The following MAP4K4 variants were observed in gnomAD, a reference collection of about 807,000 sequenced individuals.
MAP4K4 encodes mitogen-activated protein kinase kinase kinase kinase 4.
MAP4K4 carries 38 observed loss-of-function variants against 189.6 expected under a neutral mutation model. The ratio of observed to expected loss-of-function variants is 0.20; its 90% CI spans 0.15 to 0.26. MAP4K4 has a LOEUF of 0.26. Ranked by LOEUF, MAP4K4 falls within the 10% of genes least tolerant of loss-of-function variation. The probability of loss-of-function intolerance (pLI) is 1.00; values close to 1 mark genes in which losing one functional copy is unlikely to be tolerated. For synonymous variants in MAP4K4, 610 were observed against 624.3 expected (o/e 0.98, Z 0.34); for missense variants, 1,054 against 1,726.9 (o/e 0.61, Z 6.91).
chr2:101,797,888 A>ATTTTTTTTTTTTTTT (rs1558971586), intron 3 of MAP4K4, among the ~76,000 whole-genome samples: 5 of 7,618 alleles, frequency 6.6e-4, no homozygotes, highest in East Asian at 6.8e-3. Flanking sequence ...ACATTCTTTT[A>ATTTTTTTTTTTTTTT]GTTTTTTTTT....
intron 2 of MAP4K4, among the ~76,000 whole-genome samples, chr2:101,723,381 A>G (rs937701870): frequency 2.0e-5 from 3 of 152,214 alleles, no homozygotes; most frequent in Non-Finnish European, 4.4e-5. Flanking sequence ...GTTGCTGAAG[A>G]TGTTTAGATG....
chr2:101,704,563 A>ATT (rs1559013874), intron 2 of MAP4K4, among the ~76,000 whole-genome samples: 100 of 47,212 alleles, frequency 2.1e-3, no homozygotes, highest in African/African-American at 5.9e-3. Flanking sequence ...ATATATATAT[A>ATT]TATATTTTTT....
chr2:101,733,006 A>G (rs952477244), intron 2 of MAP4K4, among the ~76,000 whole-genome samples: 2 of 152,172 alleles, frequency 1.3e-5, no homozygotes, highest in African/African-American at 2.4e-5. Flanking sequence ...GCCCTGTGTC[A>G]CTCGGCATCT....
At chr2:101,777,451 C>T (rs73943768) in intron 2 of MAP4K4, among the ~76,000 whole-genome samples, 2,447 of 152,236 alleles carry the variant, frequency 0.016, 76 homozygotes, top group African/African-American at 0.056. Context: ...CCTTCGGTGC[C>T]GGCTCATGGT....
rs533995140 is a variant in MAP4K4 at position 101,715,009 on chromosome 2, T to C, written c.123+16471T>C. ...CCCAAAAGAACAAATGTATGGGAACTCCATACCTGCATTAGTCTGTTAGGG... is the reference window on the plus strand; with the variant it reads ...CCCAAAAGAACAAATGTATGGGAACCCCATACCTGCATTAGTCTGTTAGGG... On this transcript the variant is annotated intron_variant, in intron 2 of 32. Transcript: ENST00000324219. Among the ~76,000 whole-genome samples, 4 of 152,304 alleles carry C rather than the reference T, an allele frequency of 2.6e-5. No individual in the cohort carries two copies. The South Asian group carries it at 8.3e-4, about 32-fold the overall frequency.
chr2:101,841,072 C>T (rs1211582509), intron 10 of MAP4K4, among the ~76,000 whole-genome samples: 2 of 152,176 alleles, frequency 1.3e-5, no homozygotes, highest in Non-Finnish European at 2.9e-5. Flanking sequence ...GTAATAATAG[C>T]TAATGTTCAT....
chr2:101,748,214 A>G (rs2066643800), intron 2 of MAP4K4, among the ~76,000 whole-genome samples: 2 of 152,164 alleles, frequency 1.3e-5, no homozygotes, highest in Admixed American at 1.3e-4. Flanking sequence ...AGAATAGTCT[A>G]AAGTTTACCG....
At chr2:101,804,242 G>GT (rs2094679111) in intron 3 of MAP4K4, among the ~76,000 whole-genome samples, 1 of 152,144 alleles carries the variant, frequency 6.6e-6, no homozygotes, top group Non-Finnish European at 1.5e-5. Context: ...CTTGCAGATC[G>GT]TTTTGCAATT....
chr2:101,744,716 G>A (rs1181695980), intron 2 of MAP4K4, among the ~76,000 whole-genome samples: 1 of 152,062 alleles, frequency 6.6e-6, no homozygotes, highest in Non-Finnish European at 1.5e-5. Flanking sequence ...GACACCAGGG[G>A]TGCAGAAGGC....
intron 2 of MAP4K4, among the ~76,000 whole-genome samples, chr2:101,752,539 G>A (rs932787773): frequency 6.6e-6 from 1 of 152,150 alleles, no homozygotes; most frequent in East Asian, 1.9e-4. Flanking sequence ...CTCACCCTGT[G>A]TACCAGAAGT....
intron 8 of MAP4K4, among the ~76,000 whole-genome samples, chr2:101,835,461 G>T (rs1052295986): frequency 6.6e-6 from 1 of 152,154 alleles, no homozygotes; most frequent in African/African-American, 2.4e-5. Context: ...AGTATTTTTA[G>T]CTATAACAAC....
At chr2:101,841,747 G>A (rs946339215) in intron 10 of MAP4K4, among the ~76,000 whole-genome samples, 9 of 152,036 alleles carry the variant, frequency 5.9e-5, no homozygotes, top group African/African-American at 1.2e-4. Context: ...GATTACAGGC[G>A]GGAGCCACCA....
chr2:101,819,715 A>G (rs902224238), intron 3 of MAP4K4, among the ~76,000 whole-genome samples: 2 of 152,324 alleles, frequency 1.3e-5, no homozygotes, highest in African/African-American at 4.8e-5. Context: ...GTATTTCTGG[A>G]TGATATTTCG....
At chr2:101,802,158 C>A (rs997977161) in intron 3 of MAP4K4, among the ~76,000 whole-genome samples, 2 of 150,812 alleles carry the variant, frequency 1.3e-5, no homozygotes, top group African/African-American at 2.5e-5. Context: ...TCTGTAAGAA[C>A]AAACAGATAC....
At chr2:101,863,542 A>T (rs1350865656) in intron 16 of MAP4K4, among the ~76,000 whole-genome samples, 1 of 152,216 alleles carries the variant, frequency 6.6e-6, no homozygotes, top group African/African-American at 2.4e-5. Context: ...GGGGAAAAAA[A>T]AAATAAAAAT....
Position 101,787,804 on chromosome 2 carries a change from C to CTTT in MAP4K4, c.124-2901_124-2899dup, listed in dbSNP as rs750909990. 3.3e-3 allele frequency among the ~76,000 whole-genome samples: 422 copies of CTTT among 128,806 alleles called. 6 individuals carry two copies. Among genetic ancestry groups the CTTT allele is most frequent in the East Asian group, 8.8e-3 (39 of 4,436 alleles). 84.5% of individuals were successfully genotyped at this position (128,806 alleles called of 152,430 possible). On this transcript the variant is annotated intron_variant, in intron 2 of 32. Transcript: ENST00000324219. Reference sequence around the variant, plus strand: ...TATTAGTTTCAAATTTAGAAGTTTGCTTTTTTTTTTTTTTTTTGAGACAGA... The same window carrying CTTT: ...TATTAGTTTCAAATTTAGAAGTTTGCTTTTTTTTTTTTTTTTTTTTGAGACAGA...
At chr2:101,792,090 T>A (rs1345764816) in intron 3 of MAP4K4, among the ~76,000 whole-genome samples, 1 of 152,210 alleles carries the variant, frequency 6.6e-6, no homozygotes, top group Non-Finnish European at 1.5e-5. Flanking sequence ...CAGTAACTTC[T>A]TGCTTATTAT....
chr2:101,829,783 C>T (rs945637321), intron 6 of MAP4K4, 189 bp downstream of exon 6: 5 of 522,050 alleles, frequency 9.6e-6, no homozygotes, highest in Non-Finnish European at 1.4e-5. Flanking sequence ...ATGTTTGTGC[C>T]CCCCTGCCCC....
chr2:101,794,588 A>C (rs1223623299), intron 3 of MAP4K4, among the ~76,000 whole-genome samples: 2 of 152,204 alleles, frequency 1.3e-5, no homozygotes, highest in African/African-American at 2.4e-5. Flanking sequence ...TCACCATGAC[A>C]CTTCACCTGA....
Sources: gnomAD v4.1 joint callset for allele counts (sites outside exome capture counted in the v4.1 genomes callset) on GRCh38, gnomAD v4.1.1 for gene constraint, MANE v1.5 for transcripts, NCBI Gene and HGNC (gene_info 2026-07-23, HGNC 2026-07-21) for gene names.